NEB: variants seen among roughly 807,000 people sequenced by gnomAD.
NEB encodes the protein nebulin, also known as nemaline myopathy type 2.
A neutral mutation model predicts 952.2 loss-of-function variants in NEB; 512 were observed. The observed-to-expected ratio is 0.54, with a 90% CI of 0.50 to 0.58. NEB has a LOEUF of 0.58. Ranked by LOEUF, NEB falls within the 20% of genes least tolerant of loss-of-function variation. The pLI, the probability that NEB is intolerant of heterozygous loss-of-function variation, is 0.00. For synonymous variants in NEB, 2,900 were observed against 3,149.8 expected (o/e 0.92, Z 2.66); for missense variants, 8,428 against 9,231.1 (o/e 0.91, Z 3.56).
At chr2:151,721,025 C>T (rs968645855) in intron 9 of NEB, among the ~76,000 whole-genome samples, 2 of 152,172 alleles carry the variant, frequency 1.3e-5, no homozygotes, top group African/African-American at 2.4e-5. Context: ...CCCCTACTCA[C>T]CCAGACCACC....
At chr2:151,671,677 T>G (rs1364813813) in intron 37 of NEB, among the ~76,000 whole-genome samples, 1 of 152,220 alleles carries the variant, frequency 6.6e-6, no homozygotes, top group Non-Finnish European at 1.5e-5. Flanking sequence ...TAAATTGGGC[T>G]TTCCTTTTGA....
At chr2:151,499,553 T>C in intron 168 of NEB, 163 bp from the exon 169 acceptor site, 1 of 509,546 alleles carries the variant, frequency 2.0e-6, no homozygotes, top group South Asian at 2.5e-5. Flanking sequence ...GAGAACATGT[T>C]TTGTATTTCC....
intron 151 of NEB, 116 bp downstream of exon 151, chr2:151,525,046 CT>C: frequency 1.2e-6 from 1 of 810,676 alleles, no homozygotes; most frequent in Non-Finnish European, 2.1e-6. Flanking sequence ...TCGCCACTAA[CT>C]TTTTGAAACT....
intron 34 of NEB, among the ~76,000 whole-genome samples, chr2:151,675,608 G>C (rs562610622): frequency 6.6e-6 from 1 of 152,200 alleles, no homozygotes; most frequent in Non-Finnish European, 1.5e-5. Flanking sequence ...TAAGAAAATA[G>C]AAATTGTTCA....
intron 9 of NEB, among the ~76,000 whole-genome samples, chr2:151,722,405 A>G (rs779729077): frequency 6.6e-6 from 1 of 152,338 alleles, no homozygotes; most frequent in South Asian, 2.1e-4. Context: ...ACAGTTTTCA[A>G]GGTCTAGGAT....
chr2:151,552,795 C>T lies in NEB; in HGVS notation c.19732-19G>A, dbSNP rs760260542. 9 of 1,580,394 alleles carry T rather than the reference C, an allele frequency of 5.7e-6. No individual in the cohort carries two copies. Among genetic ancestry groups the T allele is most frequent in the South Asian group, 1.1e-5 (1 of 88,890 alleles). Reference sequence around the variant, plus strand: ...ACTTGATCTGCCGAGAGGAAGAAAACAAGCCCATGTTGGACCATTCCTTAT... The same window carrying T: ...ACTTGATCTGCCGAGAGGAAGAAAATAAGCCCATGTTGGACCATTCCTTAT... On this transcript the variant is annotated intron_variant, in intron 127 of 181. Coordinates refer to ENST00000397345, the MANE Select transcript of NEB (RefSeq NM_001164508.2).
intron 105 of NEB, among the ~76,000 whole-genome samples, chr2:151,579,109 T>TAAAAAAAAAAAAAAAAAAAAAAAA (rs1258018412): frequency 9.3e-6 from 1 of 107,818 alleles, no homozygotes; most frequent in African/African-American, 3.4e-5. Context: ...AAAAAAAAAG[T>TAAAAAAAAAAAAAAAAAAAAAAAA]AAGAAACTGG....
chr2:151,499,201 T>A, intron 169 of NEB, 97 bp downstream of exon 169: 3 of 623,852 alleles, frequency 4.8e-6, no homozygotes, highest in Non-Finnish European at 5.3e-6. Context: ...AGGTCAAATT[T>A]TTTATTGGGA....
chr2:151,704,461 C>G (rs1444583391), intron 13 of NEB, among the ~76,000 whole-genome samples: 51 of 140,904 alleles, frequency 3.6e-4, no homozygotes, highest in African/African-American at 1.2e-3. Flanking sequence ...CCCCCAGCCT[C>G]GCTGCCGCCT....
rs2099800858 is a variant in NEB, at chr2:151,729,619, C to G, written c.74G>C (p.Gly25Ala). The change falls in exon 4 of 182, where the codon GGA becomes GCA. Residue 25 changes from glycine to alanine, a missense_variant. By Grantham distance (60) the Gly-to-Ala change is moderately conservative (BLOSUM62 0). Coordinates refer to ENST00000397345, the MANE Select transcript of NEB (RefSeq NM_001164508.2). ...TEEVVYEEVP[G>A]ETITKIYETT... ...CAGCTGTGGGCTGGGCCTTACCTCT[C>G]CCGGCACCTCTTCGTAAACCACTTC... The G allele has an allele frequency of 6.2e-7, 1 of 1,613,224 alleles. No individual in the cohort carries two copies. The highest frequency in any genetic ancestry group is 8.5e-7 in the Non-Finnish European group (1 of 1,179,486).
rs778912975 is a variant in NEB, at chr2:151,617,488, AG to A, written c.11077-21del. 1.3e-3 allele frequency: 1,620 copies of A among 1,203,460 alleles called. 12 individuals carry two copies. In the East Asian group the frequency reaches 0.025, roughly 18 times the overall value. The allele number at this position is 1,203,460 out of a possible 1,614,324, so 74.5% of individuals were successfully genotyped here. On this transcript the variant is annotated intron_variant, in intron 74 of 181. Transcript: ENST00000397345. ...TAAGCGCTACAAAAAAAAAAAAAAA[AG>A]AGAGAGAGAGAGAGAAAAATTATTT... is the stretch of plus-strand genomic sequence containing the variant.
At chr2:151,690,367 A>T in intron 24 of NEB, 1 of 198,572 alleles carries the variant, frequency 5.0e-6, no homozygotes, top group South Asian at 8.6e-5. Context: ...TTGTTAGCAA[A>T]TTCAAGAATC....
intron 107 of NEB, among the ~76,000 whole-genome samples, chr2:151,573,150 A>C (rs1180971763): frequency 1.3e-5 from 2 of 152,240 alleles, no homozygotes; most frequent in Non-Finnish European, 2.9e-5. Context: ...TCAAGATTAC[A>C]GTAATGGTGA....
chr2:151,525,470 T>G (rs1209618304), intron 150 of NEB, among the ~76,000 whole-genome samples, 197 bp from the exon 151 acceptor site: 4 of 152,224 alleles, frequency 2.6e-5, no homozygotes, highest in Non-Finnish European at 5.9e-5. Flanking sequence ...CTGGCAATCT[T>G]CGGAGAACCT....
intron 119 of NEB, 88 bp downstream of exon 119, chr2:151,563,518 C>A: frequency 1.7e-6 from 2 of 1,174,568 alleles, no homozygotes; most frequent in South Asian, 1.3e-5. Flanking sequence ...TCCCAGCTAA[C>A]CTGAACCAAA....
At chr2:151,722,307 G>C (rs985088391) in intron 9 of NEB, among the ~76,000 whole-genome samples, 1 of 152,202 alleles carries the variant, frequency 6.6e-6, no homozygotes, top group South Asian at 2.1e-4. Context: ...ATAAGGGAGA[G>C]TGTTAGGCCC....
rs148837095 is a variant in NEB, at chr2:151,565,465, A to T, written c.18366+36T>A. On this transcript the variant is annotated intron_variant, in intron 116 of 181. Transcript: ENST00000397345. ...CCCAATGATAGACAATTTACTCCCC[A>T]GTCTGTGCACTTCAGCATGCACAAA... 5.0e-5 allele frequency: 66 copies of T among 1,329,630 alleles called. No homozygotes were observed. In the East Asian group the frequency reaches 1.5e-3, roughly 30 times the overall value. 82.4% of individuals were successfully genotyped at this position (1,329,630 alleles called of 1,614,324 possible). A position where few individuals can be genotyped will look rare whatever the true frequency, so the allele number is the denominator to read the frequency against.
chr2:151,707,973 AAAGCAGATTCACAAACTT>A (rs1233941718), intron 12 of NEB, among the ~76,000 whole-genome samples: 1 of 152,150 alleles, frequency 6.6e-6, no homozygotes, highest in Admixed American at 6.5e-5. Flanking sequence ...AAACGACCAG[AAAGCAGATTCACAAACTT>A]TACTCTCCCC....
At chr2:151,525,040 C>T (rs957978060) in intron 151 of NEB, 123 bp downstream of exon 151, 3 of 769,876 alleles carry the variant, frequency 3.9e-6, no homozygotes, top group African/African-American at 1.8e-5. Context: ...CAATTCTCGC[C>T]ACTAACTTTT....
Sources: allele counts gnomAD v4.1 joint callset (sites outside exome capture counted in the v4.1 genomes callset), GRCh38; gene constraint gnomAD v4.1.1; transcripts MANE v1.5; gene names NCBI Gene and HGNC (gene_info 2026-07-23, HGNC 2026-07-21).